The following CES5A variants were observed in gnomAD, a reference collection of about 807,000 sequenced individuals.
CES5A encodes carboxylesterase 5A.
A neutral mutation model predicts 62.9 loss-of-function variants in CES5A; 67 were observed. The ratio of observed to expected loss-of-function variants is 1.07; its 90% CI spans 0.88 to 1.31. The LOEUF (loss-of-function observed/expected upper bound fraction) is 1.31. Ranked by LOEUF, CES5A falls within the 50% of genes most tolerant of loss-of-function variation. The pLI is 0.00. For synonymous variants in CES5A, 296 were observed against 280.8 expected, an observed-to-expected ratio of 1.05 and a Z score of -0.54; for missense variants, 748 against 708.5, an observed-to-expected ratio of 1.06 and a Z score of -0.63.
rs558363968 is a variant in CES5A at position 55,846,506 on chromosome 16, G to C, written c.1673C>G (p.Ser558Cys). The C allele has an allele frequency of 3.0e-5, 49 of 1,614,136 alleles. No homozygotes were observed. The South Asian group carries it at 4.9e-4, about 16-fold the overall frequency. The change falls in exon 13 of 13, where the codon TCT (serine) becomes TGT (cysteine). Residue 558 changes from serine to cysteine, a missense_variant. Ser to Cys is a moderately radical substitution (Grantham distance 112). Transcript: ENST00000290567. ...GAGGAGAGAGAGGAAAGTTAAGGAA[G>C]AAAGAGGACTGTGGAGCATGTCGGA... ...SASDMLHSPL[S>C]SLTFLSLLQP...
upstream of CES5A, among the ~76,000 whole-genome samples, chr16:55,877,912 G>C (rs771529663): frequency 6.6e-6 from 1 of 152,202 alleles, no homozygotes; most frequent in Non-Finnish European, 1.5e-5. Flanking sequence ...GAGGGAGTAG[G>C]AAAGGAGCGG....
In CES5A at chr16:55,875,256, G is replaced by A; in HGVS notation, c.-35C>T. On this transcript the variant is annotated 5_prime_UTR_variant, in exon 1 of 13. Transcript: ENST00000290567. ...TGCCTGCACTCTGTGAACATTGACGGCGGCTGCTGGCCTCAGAGAGCTTCA... is the reference window on the plus strand; with the variant it reads ...TGCCTGCACTCTGTGAACATTGACGACGGCTGCTGGCCTCAGAGAGCTTCA... 2 of 1,604,246 alleles carry A rather than the reference G, an allele frequency of 1.2e-6. No homozygotes were observed. Among genetic ancestry groups the A allele is most frequent in the Non-Finnish European group, 1.7e-6 (2 of 1,175,162 alleles).
rs1441368031 is a variant in CES5A, at chr16:55,873,836, T to C, written c.275A>G (p.Asn92Ser). 1.9e-6 allele frequency: 3 copies of C among 1,611,474 alleles called. No individual in the cohort carries two copies. Among genetic ancestry groups the C allele is most frequent in the South Asian group, 1.1e-5 (1 of 90,468 alleles). Residue 92 changes from asparagine to serine, a missense_variant, in exon 2 of 13, where the codon AAT becomes AGT. Asn to Ser is a conservative substitution (Grantham distance 46). Transcript: ENST00000290567. ...GTGGGCCCGAACCTGGTCTTACAAA[T>C]TAGGGTAGGAGGTGGCTTCTCGCAA... is the stretch of plus-strand genomic sequence containing the variant. ...DNLREATSYP[N>S]LCLQNSEWLL...
chr16:55,879,872 G>C (rs1015887073), upstream of CES5A, among the ~76,000 whole-genome samples: 3 of 152,110 alleles, frequency 2.0e-5, no homozygotes, highest in South Asian at 6.2e-4. Flanking sequence ...GGATTACAGG[G>C]GTGTGGCCAG....
chr16:55,897,057 C>T (rs899813197), intron 1 of CES5A, among the ~76,000 whole-genome samples: 8 of 152,036 alleles, frequency 5.3e-5, no homozygotes, highest in African/African-American at 1.9e-4. Flanking sequence ...CCCCCATCCC[C>T]GCATCCCCCC....
intron 1 of CES5A, among the ~76,000 whole-genome samples, chr16:55,902,040 C>G (rs1240127699): frequency 6.6e-6 from 1 of 152,154 alleles, no homozygotes; most frequent in African/African-American, 2.4e-5. Flanking sequence ...AATCCTTCCT[C>G]TTTGATCTCA....
chr16:55,854,540 T>TTC (rs1567324473), intron 9 of CES5A, among the ~76,000 whole-genome samples: 6 of 11,966 alleles, frequency 5.0e-4, no homozygotes, highest in South Asian at 3.5e-3. Flanking sequence ...TCTTTTTTTT[T>TTC]TTTCTTTTTT....
chr16:55,875,377 C>T (rs2142418357), upstream of CES5A: 1 of 1,427,864 alleles, frequency 7.0e-7, no homozygotes, highest in Non-Finnish European at 9.1e-7. Flanking sequence ...GAACAATATT[C>T]TCAAAGGAAT....
chr16:55,876,936 G>C (rs534819197), upstream of CES5A, among the ~76,000 whole-genome samples: 1 of 152,236 alleles, frequency 6.6e-6, no homozygotes, highest in African/African-American at 2.4e-5. Flanking sequence ...AACCTGGCCT[G>C]TGCTGGAGCA....
At chr16:55,896,422 C>T (rs1031028236) in intron 1 of CES5A, among the ~76,000 whole-genome samples, 2 of 152,210 alleles carry the variant, frequency 1.3e-5, no homozygotes, top group African/African-American at 2.4e-5. Flanking sequence ...GCTCCTTTTC[C>T]ACCTTCTCCA....
intron 1 of CES5A, among the ~76,000 whole-genome samples, chr16:55,908,290 C>T (rs1345169288): frequency 2.0e-5 from 3 of 152,196 alleles, no homozygotes; most frequent in African/African-American, 7.2e-5. Flanking sequence ...CCAGTCCCAT[C>T]TGTCAGCATC....
At chr16:55,876,435 A>C (rs1227269225), upstream of CES5A, among the ~76,000 whole-genome samples, 1 of 152,192 alleles carries the variant, frequency 6.6e-6, no homozygotes, top group Non-Finnish European at 1.5e-5. Context: ...TATGGTGGAG[A>C]AGATCCCCAA....
chr16:55,899,097 A>T (rs1343576823), intron 1 of CES5A, among the ~76,000 whole-genome samples: 1 of 152,224 alleles, frequency 6.6e-6, no homozygotes, highest in Admixed American at 6.5e-5. Context: ...GTTTACCACC[A>T]GCAAAGCATG....
chr16:55,945,537 C>G (rs1567365420), intron 2 of CES5A, among the ~76,000 whole-genome samples: 1 of 152,236 alleles, frequency 6.6e-6, no homozygotes, highest in Admixed American at 6.5e-5. Flanking sequence ...TGATCCTGTT[C>G]TGGATTTAGC....
In CES5A at chr16:55,849,685, G is replaced by C. The variant is rs374208521; in HGVS notation, c.1362C>G (p.His454Gln). Residue 454 changes from histidine (H) to glutamine (Q), a missense_variant, in exon 11 of 13, where the codon CAC (histidine) becomes CAG (glutamine). Coordinates refer to ENST00000290567, the MANE Select transcript of CES5A (RefSeq NM_001143685.2). ...DTKPAFVKAD[H>Q]ADEVRFVFGG... is the part of the protein sequence containing the mutation. Reference sequence around the variant, plus strand: ...CGAACACAAAGCGGACTTCATCAGCGTGGTCGGCTTTGACAAAAGCTGGCT... The same window carrying C: ...CGAACACAAAGCGGACTTCATCAGCCTGGTCGGCTTTGACAAAAGCTGGCT... 2 of 1,613,988 alleles carry C rather than the reference G, an allele frequency of 1.2e-6. No individual in the cohort carries two copies. Among genetic ancestry groups the C allele is most frequent in the East Asian group, 2.2e-5 (1 of 44,864 alleles).
chr16:55,896,155 C>T (rs955951500), intron 1 of CES5A, among the ~76,000 whole-genome samples: 1 of 152,202 alleles, frequency 6.6e-6, no homozygotes, highest in Admixed American at 6.5e-5. Context: ...TCACATCTTA[C>T]ATGGTGGCAG....
At chr16:55,953,519 G>A (rs1263193572) in intron 1 of CES5A, among the ~76,000 whole-genome samples, 1 of 151,860 alleles carries the variant, frequency 6.6e-6, no homozygotes, top group African/African-American at 2.4e-5. Flanking sequence ...TGACTATGTA[G>A]AATATATATT....
chr16:55,930,459 G>A (rs1024358783), upstream of CES5A, among the ~76,000 whole-genome samples: 1 of 152,154 alleles, frequency 6.6e-6, no homozygotes, highest in Non-Finnish European at 1.5e-5. Flanking sequence ...ACTACTACAA[G>A]GAGTTATCAT....
At chr16:55,856,092 C>T (rs562560831) in intron 9 of CES5A, among the ~76,000 whole-genome samples, 1 of 152,258 alleles carries the variant, frequency 6.6e-6, no homozygotes, top group South Asian at 2.1e-4. Flanking sequence ...TGTAAGTTTC[C>T]TGAGGCCTCC....
Sources: gnomAD v4.1 joint callset for allele counts (sites outside exome capture counted in the v4.1 genomes callset) on GRCh38, gnomAD v4.1.1 for gene constraint, MANE v1.5 for transcripts, NCBI Gene and HGNC (gene_info 2026-07-23, HGNC 2026-07-21) for gene names.